FETUB: variants seen among roughly 807,000 people sequenced by gnomAD.
FETUB encodes fetuin-B.
Under a neutral mutation model 30.9 loss-of-function variants are expected in FETUB, and 28 were observed. That is an observed-to-expected ratio of 0.90 (90% CI 0.67 to 1.24). The LOEUF (loss-of-function observed/expected upper bound fraction) is 1.24. FETUB is among the 50% of genes most tolerant of loss of function. The pLI, the probability that FETUB is intolerant of heterozygous loss-of-function variation, is 0.00. For missense variants in FETUB, 469 were observed against 455.3 expected, an observed-to-expected ratio of 1.03 and a Z score of -0.27; for synonymous variants, 186 against 175.9, an observed-to-expected ratio of 1.06 and a Z score of -0.45.
chr3:186,648,778 T>C (rs1202879115), intron 5 of FETUB, among the ~76,000 whole-genome samples: 1 of 152,246 alleles, frequency 6.6e-6, no homozygotes, highest in East Asian at 1.9e-4. Context: ...GAAACTGTCT[T>C]CTTAATTTCA....
In FETUB at chr3:186,651,283, T is replaced by A; in HGVS notation, c.762T>A (p.Cys254Ter). The change falls in exon 6 of 7, where the codon TGT becomes TGA. Residue 254 changes from cysteine (C) to a stop codon, truncating the protein, a stop_gained. Coordinates refer to ENST00000265029, the MANE Select transcript of FETUB (RefSeq NM_014375.3). LOFTEE classifies it low-confidence loss of function (END_TRUNC). Reference sequence around the variant, plus strand: ...GGGAAAAGTTTGTCTCTGTGACTTGTGACTTCTTTGAATCACAGGTATTTT... The same window carrying A: ...GGGAAAAGTTTGTCTCTGTGACTTGAGACTTCTTTGAATCACAGGTATTTT... ...THWEKFVSVT[C>*]DFFESQAPAT... 1 of 1,611,770 alleles carries A rather than the reference T, an allele frequency of 6.2e-7. No homozygotes were observed. The highest frequency in any genetic ancestry group is 1.1e-5 in the South Asian group (1 of 90,948).
At chr3:186,637,560 G>A (rs1207227730), upstream of FETUB, among the ~76,000 whole-genome samples, 1 of 152,224 alleles carries the variant, frequency 6.6e-6, no homozygotes, top group African/African-American at 2.4e-5. Flanking sequence ...ACCTGTGTCA[G>A]GAGGTGGGCA....
chr3:186,652,460 G>A lies in FETUB; in HGVS notation c.978G>A (p.Val326=). The A allele has an allele frequency of 6.2e-7, 1 of 1,614,118 alleles. No homozygotes were observed. Among genetic ancestry groups the A allele is most frequent in the Non-Finnish European group, 8.5e-7 (1 of 1,180,008 alleles). ...AGGGCCCTCAGGAGGCCTTTCCTGT[G>A]CATCTGGACCTAACCACGAATCCCC... ...QEKGPQEAFP[V]HLDLTTNPQG... The change falls in exon 7 of 7, where the codon GTG becomes GTA. Residue 326 remains valine, a synonymous_variant. Transcript: ENST00000265029.
upstream of FETUB, among the ~76,000 whole-genome samples, chr3:186,639,216 G>A (rs1716867233): frequency 6.6e-6 from 1 of 152,136 alleles, no homozygotes; most frequent in Non-Finnish European, 1.5e-5. Context: ...AAGAGAGAAG[G>A]GGACCAAACA....
intron 1 of FETUB, 65 bp downstream of exon 1, chr3:186,640,750 G>A: frequency 7.4e-7 from 1 of 1,353,718 alleles, no homozygotes. Flanking sequence ...TGGCCAGGGT[G>A]AGGGAACCCA....
At chr3:186,646,886 G>C (rs142417460) in intron 5 of FETUB, among the ~76,000 whole-genome samples, 1 of 152,176 alleles carries the variant, frequency 6.6e-6, no homozygotes, top group Admixed American at 6.5e-5. Flanking sequence ...ATCCATTTAA[G>C]GTGTACAGTT....
upstream of FETUB, among the ~76,000 whole-genome samples, chr3:186,637,964 A>G (rs1716823793): frequency 6.6e-6 from 1 of 152,240 alleles, no homozygotes; most frequent in Non-Finnish European, 1.5e-5. Flanking sequence ...GAGCGTCTTA[A>G]CTGTGGCTAC....
At chr3:186,639,733 T>C (rs1396238856), upstream of FETUB, among the ~76,000 whole-genome samples, 2 of 152,062 alleles carry the variant, frequency 1.3e-5, no homozygotes, top group African/African-American at 2.4e-5. Context: ...ATCTTTCTTT[T>C]AGCAAGAGTA....
chr3:186,651,263 A>C lies in FETUB; in HGVS notation c.742A>C (p.Lys248Gln). The change falls in exon 6 of 7, where the codon AAG (lysine) becomes CAG (glutamine). Residue 248 changes from lysine (K) to glutamine (Q), a missense_variant. Transcript: ENST00000265029. ...KGSLTRTHWE[K>Q]FVSVTCDFFE... The stretch of plus-strand genomic sequence containing the variant: ...TTCTCTGACTCGAACACACTGGGAA[A>C]AGTTTGTCTCTGTGACTTGTGACTT... The C allele has an allele frequency of 6.2e-7, 1 of 1,613,776 alleles. No individual in the cohort carries two copies.
At position 186,640,610 on chromosome 3, in the gene FETUB, G is replaced by T. The variant is rs747347383; in HGVS notation, c.150G>T (p.Arg50=). ...TGGCAGTTGCAGGCTTTGCCCTGCG[G>T]GATATTAACAAAGACAGAAAGGATG... The part of the protein sequence containing the change: ...DVLAVAGFAL[R]DINKDRKDGY... Residue 50 remains arginine (R), a synonymous_variant, in exon 1 of 7, where the codon CGG becomes CGT. Transcript: ENST00000265029. 6.2e-7 allele frequency: 1 copy of T among 1,614,146 alleles called. No homozygotes were observed. Among genetic ancestry groups the T allele is most frequent in the Admixed American group, 1.7e-5 (1 of 60,022 alleles).
rs1716959876 is a variant in FETUB, at chr3:186,640,619, C to A, written c.159C>A (p.Asn53Lys). Residue 53 changes from asparagine to lysine, a missense_variant, in exon 1 of 7, where the codon AAC (asparagine) becomes AAA (lysine). Asn to Lys is a moderately conservative substitution (Grantham distance 94). Transcript: ENST00000265029. ...CAGGCTTTGCCCTGCGGGATATTAACAAAGACAGAAAGGATGGCTATGTGC... is the reference window on the plus strand; with the variant it reads ...CAGGCTTTGCCCTGCGGGATATTAAAAAAGACAGAAAGGATGGCTATGTGC... ...AVAGFALRDI[N>K]KDRKDGYVLR... The A allele has an allele frequency of 1.2e-6, 2 of 1,614,158 alleles. No individual in the cohort carries two copies. The highest frequency in any genetic ancestry group is 1.7e-6 in the Non-Finnish European group (2 of 1,180,014).
rs1307186274 is a variant in FETUB, at chr3:186,652,893, T to C, written c.*262T>C. 3 of 366,290 alleles carry C rather than the reference T, an allele frequency of 8.2e-6. No individual in the cohort carries two copies. Among genetic ancestry groups the C allele is most frequent in the Non-Finnish European group, 4.9e-6 (1 of 203,918 alleles). 22.7% of individuals were successfully genotyped at this position (366,290 alleles called of 1,614,324 possible). A position where few individuals can be genotyped will look rare whatever the true frequency, so the allele number is the denominator to read the frequency against. ...TGAGCAGTCTCATACCATGGAGAGA[T>C]GCCTCTCTTATGTCTTCAGCCACTC... On this transcript the variant is annotated 3_prime_UTR_variant, in exon 7 of 7. Coordinates refer to ENST00000265029, the MANE Select transcript of FETUB (RefSeq NM_014375.3).
intron 6 of FETUB, 50 bp from the exon 7 acceptor site, chr3:186,652,212 TG>T: frequency 6.6e-7 from 1 of 1,521,140 alleles, no homozygotes; most frequent in South Asian, 1.4e-5. Flanking sequence ...GTACTAGGCA[TG>T]GGAGGACTTT....
chr3:186,647,385 T>A (rs148233645), intron 5 of FETUB, among the ~76,000 whole-genome samples: 5 of 152,132 alleles, frequency 3.3e-5, no homozygotes, highest in African/African-American at 1.2e-4. Context: ...AACAAAAAAA[T>A]GCTCCATGTT....
At chr3:186,642,390 A>G in intron 2 of FETUB, 81 bp from the exon 3 acceptor site, 1 of 822,826 alleles carries the variant, frequency 1.2e-6, no homozygotes, top group South Asian at 1.5e-5. Flanking sequence ...TTAAAAGAAA[A>G]TGTCTGACTT....
At chr3:186,651,583 A>G (rs1402178397) in intron 6 of FETUB, 2 of 398,288 alleles carry the variant, frequency 5.0e-6, no homozygotes, top group African/African-American at 2.0e-5. Context: ...CAGCGTCCCA[A>G]AGAAACCTTA....
intron 2 of FETUB, 81 bp downstream of exon 2, chr3:186,641,221 C>A: frequency 1.3e-6 from 1 of 793,050 alleles, no homozygotes. Flanking sequence ...CAAGGGTGCT[C>A]AATATCTGTC....
chr3:186,652,017 T>C (rs2108550854), intron 6 of FETUB: 1 of 301,812 alleles, frequency 3.3e-6, no homozygotes, highest in East Asian at 5.7e-5. Context: ...TCATTGAACC[T>C]CTCTGGGCCA....
upstream of FETUB, among the ~76,000 whole-genome samples, chr3:186,638,943 C>T (rs550925651): frequency 6.6e-6 from 1 of 152,364 alleles, no homozygotes; most frequent in Non-Finnish European, 1.5e-5. Flanking sequence ...CTACAGCCCA[C>T]ATCCACAGAG....
Sources: allele counts gnomAD v4.1 joint callset (sites outside exome capture counted in the v4.1 genomes callset), GRCh38; gene constraint gnomAD v4.1.1; transcripts MANE v1.5; gene names NCBI Gene and HGNC (gene_info 2026-07-23, HGNC 2026-07-21).